The following RGS7 variants were observed in gnomAD, a reference collection of about 807,000 sequenced individuals.
RGS7 encodes the protein regulator of G-protein signaling 7.
In RGS7, 27 loss-of-function variants were observed where a neutral mutation model predicts 81.1. That is an observed-to-expected ratio of 0.33 (90% CI 0.25 to 0.46). The LOEUF is 0.46. Ranked by LOEUF, RGS7 falls within the 20% of genes least tolerant of loss-of-function variation. The probability of loss-of-function intolerance (pLI) is 1.00; values close to 1 mark genes in which losing one functional copy is unlikely to be tolerated. For synonymous variants in RGS7, 208 were observed against 207.7 expected (o/e 1.00, Z -0.01); for missense variants, 396 against 607.4 (o/e 0.65, Z 3.66).
intron 2 of RGS7, among the ~76,000 whole-genome samples, chr1:241,260,854 G>A (rs1342553775): frequency 6.8e-6 from 1 of 147,274 alleles, no homozygotes; most frequent in East Asian, 2.1e-4. Context: ...GACTTAAGGT[G>A]AGACTCCTCC....
At chr1:241,295,224 G>A (rs1048171133) in intron 2 of RGS7, among the ~76,000 whole-genome samples, 6 of 152,014 alleles carry the variant, frequency 3.9e-5, no homozygotes, top group Non-Finnish European at 5.9e-5. Context: ...CAAGGCGGGC[G>A]GATCACAAGG....
At chr1:240,843,407 A>G (rs1234187845) in intron 9 of RGS7, among the ~76,000 whole-genome samples, 4 of 151,928 alleles carry the variant, frequency 2.6e-5, no homozygotes, top group African/African-American at 9.7e-5. Context: ...CTGAGACTAC[A>G]GGTGTGTATC....
intron 6 of RGS7, among the ~76,000 whole-genome samples, chr1:240,892,561 CA>C (rs1668447889): frequency 6.6e-6 from 1 of 152,146 alleles, no homozygotes; most frequent in African/African-American, 2.4e-5. Flanking sequence ...TGTCTTCTTA[CA>C]TATTTTAAGT....
chr1:241,220,675 C>T (rs868361878), intron 2 of RGS7, among the ~76,000 whole-genome samples: 1 of 151,968 alleles, frequency 6.6e-6, no homozygotes, highest in Admixed American at 6.6e-5. Context: ...CCTATAATGA[C>T]ATGTAATTAT....
intron 2 of RGS7, among the ~76,000 whole-genome samples, chr1:241,293,272 G>T (rs570840915): frequency 7.9e-5 from 12 of 152,260 alleles, no homozygotes; most frequent in African/African-American, 2.6e-4. Flanking sequence ...ATTACATACA[G>T]TACATAATAC....
intron 2 of RGS7, among the ~76,000 whole-genome samples, chr1:241,285,002 C>T (rs1309116191): frequency 6.6e-6 from 1 of 152,146 alleles, no homozygotes; most frequent in Non-Finnish European, 1.5e-5. Context: ...TCCCAAGTAG[C>T]TGAGACTACA....
Position 241,088,037 on chromosome 1 carries a change from TACACACATATATATATATAC to T in RGS7, c.175+10609_175+10628del, listed in dbSNP as rs1558698343. The stretch of plus-strand genomic sequence containing the variant: ...ATATATACACACACACATATATATA[TACACACATATATATATATAC>T]ACACACACACATATATATATATACA... On this transcript the variant is annotated intron_variant, in intron 3 of 18. Coordinates refer to ENST00000440928, the MANE Select transcript of RGS7 (RefSeq NM_001364886.1). Among the ~76,000 whole-genome samples, 41 of 91,188 alleles carry T rather than the reference TACACACATATATATATATAC, an allele frequency of 4.5e-4. 1 individual carries two copies. In the Middle Eastern group the frequency reaches 0.015, roughly 34 times the overall value. 59.8% of individuals were successfully genotyped at this position (91,188 alleles called of 152,430 possible). A position where few individuals can be genotyped will look rare whatever the true frequency, so the allele number is the denominator to read the frequency against.
rs142183363 is a variant in RGS7, at chr1:241,240,836, A to C, written c.78+114863T>G. Reference sequence around the variant, plus strand: ...CGGGGAGCAAATATTAAAGTAAATAAATCCCTGCCCTACTCCCTGAGCCCT... The same window carrying C: ...CGGGGAGCAAATATTAAAGTAAATACATCCCTGCCCTACTCCCTGAGCCCT... On this transcript the variant is annotated intron_variant, in intron 2 of 18. Transcript: ENST00000440928. Among the ~76,000 whole-genome samples the C allele has an allele frequency of 2.1e-4, 32 of 152,224 alleles. No individual in the cohort carries two copies. The East Asian group carries it at 4.6e-3, about 22-fold the overall frequency.
chr1:241,322,568 G>A (rs148472329), intron 2 of RGS7, among the ~76,000 whole-genome samples: 37 of 152,310 alleles, frequency 2.4e-4, no homozygotes, highest in African/African-American at 8.9e-4. Context: ...AAAAGCAGGG[G>A]TTTAGCATAT....
intron 2 of RGS7, among the ~76,000 whole-genome samples, chr1:241,191,207 C>T (rs1388508875): frequency 2.6e-5 from 4 of 152,162 alleles, no homozygotes; most frequent in African/African-American, 7.2e-5. Flanking sequence ...GTCTCGATCT[C>T]TTGACCTTGT....
At chr1:241,190,325 T>C (rs937816362) in intron 2 of RGS7, among the ~76,000 whole-genome samples, 2 of 152,184 alleles carry the variant, frequency 1.3e-5, no homozygotes, top group African/African-American at 2.4e-5. Flanking sequence ...TGAATTTTCA[T>C]ATGAATTTTA....
intron 2 of RGS7, among the ~76,000 whole-genome samples, chr1:241,133,548 C>G (rs977022458): frequency 1.3e-5 from 2 of 151,324 alleles, no homozygotes; most frequent in Non-Finnish European, 2.9e-5. Context: ...AAAAAAGAAA[C>G]CAAGAAAAAG....
At chr1:241,099,455 C>T (rs948060334) in intron 2 of RGS7, among the ~76,000 whole-genome samples, 1 of 152,108 alleles carries the variant, frequency 6.6e-6, no homozygotes, top group Non-Finnish European at 1.5e-5. Context: ...CATATGTATA[C>T]AATAAAATGA....
At chr1:241,047,142 A>G (rs898628957) in intron 3 of RGS7, among the ~76,000 whole-genome samples, 1 of 152,186 alleles carries the variant, frequency 6.6e-6, no homozygotes, top group African/African-American at 2.4e-5. Context: ...GATGTTATAT[A>G]GACAACCAGT....
At position 241,271,983 on chromosome 1, in the gene RGS7, CTTT is replaced by C. The variant is rs201307171; in HGVS notation, c.78+83713_78+83715del. 2.6e-4 allele frequency among the ~76,000 whole-genome samples: 32 copies of C among 124,126 alleles called. 1 individual carries two copies. Among genetic ancestry groups the C allele is most frequent in the Middle Eastern group, 4.2e-3 (1 of 236 alleles). The allele number at this position is 124,126 out of a possible 152,430, so 81.4% of individuals were successfully genotyped here. A position where few individuals can be genotyped will look rare whatever the true frequency, so the allele number is the denominator to read the frequency against. ...TGGAGAACCCTGACTACTAGAATTT[CTTT>C]TTTTTTTTTTTTATTTTTATTTTTT... On this transcript the variant is annotated intron_variant, in intron 2 of 18. Coordinates refer to ENST00000440928, the MANE Select transcript of RGS7 (RefSeq NM_001364886.1). The surrounding 1 kb of genome is among the most constrained non-coding windows in gnomAD (Gnocchi z 4.6).
chr1:241,234,119 C>T (rs1185922306), intron 2 of RGS7, among the ~76,000 whole-genome samples: 3 of 152,168 alleles, frequency 2.0e-5, no homozygotes, highest in African/African-American at 2.4e-5. Context: ...TCTCTACTTG[C>T]GCTACGCTGC....
At chr1:241,264,355 G>A (rs889461986) in intron 2 of RGS7, among the ~76,000 whole-genome samples, 26 of 152,248 alleles carry the variant, frequency 1.7e-4, no homozygotes, top group Admixed American at 1.4e-3. Flanking sequence ...AAAATTAGCT[G>A]GCTGTGGTGG....
chr1:241,263,384 G>C (rs889321434), intron 2 of RGS7, among the ~76,000 whole-genome samples: 11 of 152,044 alleles, frequency 7.2e-5, no homozygotes, highest in African/African-American at 2.7e-4. Context: ...CCTGTCTCTG[G>C]GGAACATGTA....
chr1:241,175,774 G>A (rs1437821775), intron 2 of RGS7, among the ~76,000 whole-genome samples: 2 of 152,200 alleles, frequency 1.3e-5, no homozygotes, highest in Admixed American at 6.5e-5. Flanking sequence ...AGCGATGGGA[G>A]CAGCAATAGT....
Sources: allele counts gnomAD v4.1 joint callset (sites outside exome capture counted in the v4.1 genomes callset), GRCh38; gene constraint gnomAD v4.1.1; non-coding constraint Gnocchi (gnomAD v3.1); transcripts MANE v1.5; gene names NCBI Gene and HGNC (gene_info 2026-07-23, HGNC 2026-07-21).